FAM89A: variants seen among roughly 807,000 people sequenced by gnomAD.
The protein encoded by FAM89A is family with sequence similarity 89 member A, also known as protein FAM89A.
FAM89A carries 10 observed loss-of-function variants against 7.1 expected under a neutral mutation model. The ratio of observed to expected loss-of-function variants is 1.40; its 90% CI spans 0.86 to 2.38. FAM89A has a LOEUF of 2.38. FAM89A is among the 30% of genes most tolerant of loss of function. The probability of loss-of-function intolerance (pLI) is 0.00; values close to 1 mark genes in which losing one functional copy is unlikely to be tolerated. For missense variants in FAM89A, 276 were observed against 262.8 expected (o/e 1.05, Z -0.35); for synonymous variants, 157 against 129.3 (o/e 1.21, Z -1.45).
At position 231,028,599 on chromosome 1, in the gene FAM89A, GCT is replaced by G. The variant is rs1353083118; in HGVS notation, c.292-8475_292-8474del. 4.6e-5 allele frequency: 7 copies of G among 152,330 alleles called. No individual in the cohort carries two copies. The East Asian group carries it at 1.2e-3, about 25-fold the overall frequency. The allele number at this position is 152,330 out of a possible 1,614,324, so 9.4% of individuals were successfully genotyped here. A position where few individuals can be genotyped will look rare whatever the true frequency, so the allele number is the denominator to read the frequency against. ...TTCACAGCTGGATTCAGAAAATACAGCTCTCTTTTGAAAGCACACGTTTTGAA... is the reference window on the plus strand; with the variant it reads ...TTCACAGCTGGATTCAGAAAATACAGCTCTTTTGAAAGCACACGTTTTGAA... On this transcript the variant is annotated intron_variant, in intron 1 of 1. Coordinates refer to ENST00000366654, the MANE Select transcript of FAM89A (RefSeq NM_198552.3).
intron 1 of FAM89A, among the ~76,000 whole-genome samples, chr1:231,038,349 C>T (rs1402920811): frequency 6.6e-6 from 1 of 152,202 alleles, no homozygotes; most frequent in Admixed American, 6.5e-5. Flanking sequence ...CGTTGACTCC[C>T]AAGCCACCAT....
chr1:231,025,382 T>G (rs1481533421), intron 1 of FAM89A, among the ~76,000 whole-genome samples: 1 of 152,182 alleles, frequency 6.6e-6, no homozygotes, highest in African/African-American at 2.4e-5. Context: ...TTGGGCTCGC[T>G]CATCTATGGT....
At chr1:231,024,522 A>G (rs898633057) in intron 1 of FAM89A, among the ~76,000 whole-genome samples, 1 of 106,678 alleles carries the variant, frequency 9.4e-6, no homozygotes, top group Non-Finnish European at 2.0e-5. Flanking sequence ...CATTGCATGC[A>G]CACACACACA....
intron 1 of FAM89A, among the ~76,000 whole-genome samples, chr1:231,033,326 A>T (rs893366099): frequency 6.6e-6 from 1 of 152,226 alleles, no homozygotes; most frequent in Non-Finnish European, 1.5e-5. Context: ...GGTTTCCTCC[A>T]CAGCATTATG....
intron 1 of FAM89A, among the ~76,000 whole-genome samples, chr1:231,028,107 G>A (rs954889621): frequency 2.0e-5 from 3 of 152,206 alleles, no homozygotes; most frequent in African/African-American, 7.2e-5. Context: ...ACACGTAGCC[G>A]CAGAAGTGGC....
chr1:231,023,224 C>T (rs769251768), intron 1 of FAM89A, among the ~76,000 whole-genome samples: 4 of 152,210 alleles, frequency 2.6e-5, no homozygotes, highest in African/African-American at 7.2e-5. Context: ...AACCCCGTGC[C>T]GTTTATTTCA....
intron 1 of FAM89A, among the ~76,000 whole-genome samples, chr1:231,037,242 T>C (rs1680171510): frequency 6.6e-6 from 1 of 152,200 alleles, no homozygotes; most frequent in Admixed American, 6.5e-5. Flanking sequence ...CATGGAGAAT[T>C]TATACCATTA....
In FAM89A at chr1:231,019,861, C is replaced by G. The variant is rs758349029; in HGVS notation, c.*2G>C. ...CAACAGTCACATCCCTCCCAAGACCCTCTAGATGGACTCCAGAATCCAGTC... is the reference window on the plus strand; with the variant it reads ...CAACAGTCACATCCCTCCCAAGACCGTCTAGATGGACTCCAGAATCCAGTC... On this transcript the variant is annotated 3_prime_UTR_variant, in exon 2 of 2. Coordinates refer to ENST00000366654, the MANE Select transcript of FAM89A (RefSeq NM_198552.3). 6.2e-7 allele frequency: 1 copy of G among 1,613,562 alleles called. No individual in the cohort carries two copies. The highest frequency in any genetic ancestry group is 2.2e-5 in the East Asian group (1 of 44,862).
chr1:231,037,250 T>C (rs888462423), intron 1 of FAM89A, among the ~76,000 whole-genome samples: 15 of 152,188 alleles, frequency 9.9e-5, no homozygotes, highest in Non-Finnish European at 1.8e-4. Flanking sequence ...ATTTATACCA[T>C]TAAATAAGAT....
At chr1:231,030,971 G>A (rs1680056730) in intron 1 of FAM89A, among the ~76,000 whole-genome samples, 1 of 152,126 alleles carries the variant, frequency 6.6e-6, no homozygotes, top group African/African-American at 2.4e-5. Context: ...TCAGCTGGGT[G>A]TGGTGGCATT....
chr1:231,020,058 C>T lies in FAM89A; in HGVS notation c.360G>A (p.Glu120=), dbSNP rs764741463. ...AGGCTGCCTGGCATGCCCCCTTGTA[C>T]TCCTGAATCGACTCGTAGAGGCTGT... ...QLYSLYESIQ[E]YKGACQAASS... is the part of the protein sequence containing the mutation. Residue 120 remains glutamate, a synonymous_variant, in exon 2 of 2, where the codon GAG becomes GAA. Transcript: ENST00000366654. The T allele has an allele frequency of 2.6e-5, 42 of 1,613,968 alleles. No homozygotes were observed. The highest frequency in any genetic ancestry group is 3.6e-5 in the Non-Finnish European group (42 of 1,180,036).
intron 1 of FAM89A, among the ~76,000 whole-genome samples, chr1:231,034,710 T>C (rs1320760195): frequency 6.7e-6 from 1 of 149,156 alleles, no homozygotes. Flanking sequence ...AGGTGGAGGT[T>C]GTAGTGAGCC....
chr1:231,020,169 C>G, intron 1 of FAM89A, 43 bp from the exon 2 acceptor site: 9 of 1,549,078 alleles, frequency 5.8e-6, no homozygotes, highest in Non-Finnish European at 7.8e-6. Context: ...GAAGTCAGCA[C>G]TTGAGTTTAA....
chr1:231,034,416 C>A (rs1680125196), intron 1 of FAM89A, among the ~76,000 whole-genome samples: 1 of 152,158 alleles, frequency 6.6e-6, no homozygotes, highest in Non-Finnish European at 1.5e-5. Flanking sequence ...AGTTTATTAA[C>A]ACCAAATTCG....
rs1372139663 is a variant in FAM89A at position 231,019,588 on chromosome 1, A to C, written c.*275T>G. 1 of 396,610 alleles carries C rather than the reference A, an allele frequency of 2.5e-6. No individual in the cohort carries two copies. The highest frequency in any genetic ancestry group is 4.6e-6 in the Non-Finnish European group (1 of 218,514). 24.6% of individuals were successfully genotyped at this position (396,610 alleles called of 1,614,324 possible). ...ACCGAGATCCTCTTGTTATATTCTCATTATGAATCCCCAGCAGGTGCACCT... is the reference window on the plus strand; with the variant it reads ...ACCGAGATCCTCTTGTTATATTCTCCTTATGAATCCCCAGCAGGTGCACCT... On this transcript the variant is annotated 3_prime_UTR_variant, in exon 2 of 2. Transcript: ENST00000366654.
chr1:231,019,703 C>G lies in FAM89A; in HGVS notation c.*160G>C. 1.3e-6 allele frequency: 1 copy of G among 764,156 alleles called. No homozygotes were observed. Among genetic ancestry groups the G allele is most frequent in the Non-Finnish European group, 2.1e-6 (1 of 484,318 alleles). 47.3% of individuals were successfully genotyped at this position (764,156 alleles called of 1,614,324 possible). A position where few individuals can be genotyped will look rare whatever the true frequency, so the allele number is the denominator to read the frequency against. ...TCAAAGCAGACTGCCACCATGCATC[C>G]GCGGAGAACTCCCTGCCTACAAATG... On this transcript the variant is annotated 3_prime_UTR_variant, in exon 2 of 2. Transcript: ENST00000366654.
Position 231,039,993 on chromosome 1 carries a change from C to T in FAM89A, c.219G>A (p.Gly73=). The T allele has an allele frequency of 2.2e-6, 3 of 1,385,140 alleles. No homozygotes were observed. The highest frequency in any genetic ancestry group is 3.0e-5 in the African/African-American group (2 of 65,896). 85.8% of individuals were successfully genotyped at this position (1,385,140 alleles called of 1,614,324 possible). A position where few individuals can be genotyped will look rare whatever the true frequency, so the allele number is the denominator to read the frequency against. Residue 73 remains glycine, a synonymous_variant, in exon 1 of 2, where the codon GGG becomes GGA. Transcript: ENST00000366654. Reference sequence around the variant, plus strand: ...TGGCGGGCAGCGCTGCCGCCCGGGCCCCGCCGCCGCCCGGGCCCCCGCGGC... The same window carrying T: ...TGGCGGGCAGCGCTGCCGCCCGGGCTCCGCCGCCGCCCGGGCCCCCGCGGC... ...ELSRGGPGGG[G]ARAAALPAKP... is the part of the protein sequence containing the mutation.
chr1:231,026,221 T>C (rs1329691750), intron 1 of FAM89A, among the ~76,000 whole-genome samples: 1 of 152,118 alleles, frequency 6.6e-6, no homozygotes, highest in African/African-American at 2.4e-5. Flanking sequence ...TCCCACTGTG[T>C]TCCTCCCGCT....
intron 1 of FAM89A, chr1:231,021,665 C>A: frequency 6.4e-7 from 1 of 1,567,134 alleles, no homozygotes; most frequent in Middle Eastern, 1.7e-4. Flanking sequence ...AGCCCAGAAG[C>A]GAACACGGGA....
Sources: allele counts gnomAD v4.1 joint callset (sites outside exome capture counted in the v4.1 genomes callset), GRCh38; gene constraint gnomAD v4.1.1; transcripts MANE v1.5; gene names NCBI Gene and HGNC (gene_info 2026-07-23, HGNC 2026-07-21).